The following ZNF609 variants were observed in gnomAD, a reference collection of about 807,000 sequenced individuals.
ZNF609 encodes the protein zinc finger protein 609.
In ZNF609, 11 loss-of-function variants were observed where a neutral mutation model predicts 109.5. That is an observed-to-expected ratio of 0.10 (90% CI 0.06 to 0.17). The LOEUF is 0.17. ZNF609 is among the 10% of genes least tolerant of loss of function. The pLI, the probability that ZNF609 is intolerant of heterozygous loss-of-function variation, is 1.00. For missense variants in ZNF609, 1,559 were observed against 1,772.4 expected, an observed-to-expected ratio of 0.88 and a Z score of 2.16; for synonymous variants, 646 against 662.0, an observed-to-expected ratio of 0.98 and a Z score of 0.37.
At chr15:64,583,188 A>T (rs904604718) in intron 2 of ZNF609, among the ~76,000 whole-genome samples, 2 of 150,584 alleles carry the variant, frequency 1.3e-5, no homozygotes, top group Non-Finnish European at 3.0e-5. Context: ...ACCCGCCACC[A>T]CACCCAGCTA....
intron 2 of ZNF609, among the ~76,000 whole-genome samples, chr15:64,504,636 G>T (rs1453770279): frequency 7.3e-6 from 1 of 136,972 alleles, no homozygotes; most frequent in African/African-American, 2.7e-5. Flanking sequence ...TGCCTGGCTA[G>T]TTTTTTTTTT....
At chr15:64,630,254 T>C (rs1317600833) in intron 3 of ZNF609, among the ~76,000 whole-genome samples, 1 of 151,974 alleles carries the variant, frequency 6.6e-6, no homozygotes, top group African/African-American at 2.4e-5. Context: ...GTATTTTTAG[T>C]AGAGATGGGT....
chr15:64,648,580 A>G (rs183467212), intron 3 of ZNF609, among the ~76,000 whole-genome samples: 151 of 152,248 alleles, frequency 9.9e-4, no homozygotes, highest in Non-Finnish European at 1.3e-3. Flanking sequence ...GCTATATAAC[A>G]TTGGAACAGA....
chr15:64,678,340 T>C lies in ZNF609; in HGVS notation c.3627T>C (p.Ser1209=), dbSNP rs1156711123. 6.2e-7 allele frequency: 1 copy of C among 1,613,972 alleles called. No homozygotes were observed. Among genetic ancestry groups the C allele is most frequent in the African/African-American group, 1.3e-5 (1 of 74,918 alleles). The change falls in exon 6 of 10, where the codon AGT becomes AGC. Residue 1209 remains serine, a synonymous_variant. Coordinates refer to ENST00000326648, the MANE Select transcript of ZNF609 (RefSeq NM_015042.2). Reference sequence around the variant, plus strand: ...TTGGGAGCAAGGAGCCCCGGCCAAGTGTCCATGTGCCTGTGTCCTCCCCAC... The same window carrying C: ...TTGGGAGCAAGGAGCCCCGGCCAAGCGTCCATGTGCCTGTGTCCTCCCCAC... ...SRLGSKEPRP[S]VHVPVSSPLT...
chr15:64,527,957 C>G (rs72741393), intron 2 of ZNF609, among the ~76,000 whole-genome samples: 7,339 of 152,276 alleles, frequency 0.048, 234 homozygotes, highest in South Asian at 0.086. Flanking sequence ...ATATCACTTT[C>G]TCTTTACAGC....
At chr15:64,462,362 A>G (rs961891209) in intron 1 of ZNF609, among the ~76,000 whole-genome samples, 1 of 152,228 alleles carries the variant, frequency 6.6e-6, no homozygotes, top group African/African-American at 2.4e-5. Flanking sequence ...ACTTCAAGGG[A>G]AGGTTCTACT....
In ZNF609 at chr15:64,616,847, C is replaced by T. The variant is rs1317157286; in HGVS notation, c.748-5980C>T. ...TTTTTTTTTTTTTTTTGCACTCTGT[C>T]GCCCAGGATGGAGTACAATTGTGCA... On this transcript the variant is annotated intron_variant, in intron 2 of 9. Transcript: ENST00000326648. 6.2e-5 allele frequency among the ~76,000 whole-genome samples: 6 copies of T among 96,968 alleles called. No individual in the cohort carries two copies. In the East Asian group the frequency reaches 2.2e-3, roughly 35 times the overall value. The allele number at this position is 96,968 out of a possible 152,430, so 63.6% of individuals were successfully genotyped here.
chr15:64,623,769 TTAA>T (rs1451619485), intron 3 of ZNF609, among the ~76,000 whole-genome samples: 1 of 152,210 alleles, frequency 6.6e-6, no homozygotes, highest in Non-Finnish European at 1.5e-5. Flanking sequence ...GTAAAGAGAC[TTAA>T]TGGGGTATTT....
At chr15:64,527,896 C>T (rs1351808423) in intron 2 of ZNF609, among the ~76,000 whole-genome samples, 2 of 152,210 alleles carry the variant, frequency 1.3e-5, no homozygotes, top group Non-Finnish European at 2.9e-5. Context: ...CTGGACCAAA[C>T]TCTACTCTTA....
At chr15:64,519,736 A>AT (rs1248547652) in intron 2 of ZNF609, among the ~76,000 whole-genome samples, 2 of 151,940 alleles carry the variant, frequency 1.3e-5, no homozygotes, top group Non-Finnish European at 2.9e-5. Context: ...TTTTGACCTA[A>AT]TTTTCAGTTA....
At chr15:64,650,113 CAAA>C (rs546871709) in intron 3 of ZNF609, among the ~76,000 whole-genome samples, 1 of 85,384 alleles carries the variant, frequency 1.2e-5, no homozygotes, top group Admixed American at 1.4e-4. Flanking sequence ...GAACCCATCT[CAAA>C]AAAAAAAAAA....
chr15:64,593,051 A>G, intron 2 of ZNF609: 1 of 1,587,766 alleles, frequency 6.3e-7, no homozygotes, highest in Non-Finnish European at 8.5e-7. Context: ...TCGCTGCACT[A>G]ACTGTGCCCG....
At position 64,623,168 on chromosome 15, in the gene ZNF609, G is replaced by C. The variant is rs1195856549; in HGVS notation, c.973+116G>C. On this transcript the variant is annotated intron_variant, in intron 3 of 9. Coordinates refer to ENST00000326648, the MANE Select transcript of ZNF609 (RefSeq NM_015042.2). ...GTTATTAGAGTCTCAAGTGTCCACAGTCTGCGGGAGATACCCACACAGAGG... is the reference window on the plus strand; with the variant it reads ...GTTATTAGAGTCTCAAGTGTCCACACTCTGCGGGAGATACCCACACAGAGG... The C allele has an allele frequency of 2.9e-6, 3 of 1,040,456 alleles. No individual in the cohort carries two copies. In the Admixed American group the frequency reaches 6.9e-5, roughly 24 times the overall value. 64.5% of individuals were successfully genotyped at this position (1,040,456 alleles called of 1,614,324 possible).
At chr15:64,626,791 C>T (rs972473034) in intron 3 of ZNF609, among the ~76,000 whole-genome samples, 3 of 152,122 alleles carry the variant, frequency 2.0e-5, no homozygotes, top group Admixed American at 6.6e-5. Context: ...GTTGATAATT[C>T]AGTAAGCACT....
intron 2 of ZNF609, among the ~76,000 whole-genome samples, chr15:64,512,090 C>CT (rs1893742023): frequency 6.6e-6 from 1 of 151,922 alleles, no homozygotes; most frequent in Admixed American, 6.6e-5. Flanking sequence ...GAAAAGGACT[C>CT]TCCTTTTTCA....
intron 2 of ZNF609, among the ~76,000 whole-genome samples, chr15:64,577,367 AT>A (rs1567019414): frequency 7.8e-4 from 16 of 20,574 alleles, no homozygotes; most frequent in African/African-American, 1.2e-3. Context: ...ACATATATGT[AT>A]ATATATACAC....
chr15:64,681,329 G>A lies in ZNF609; in HGVS notation c.4183G>A (p.Val1395Ile), dbSNP rs2083206457. The A allele has an allele frequency of 6.2e-7, 1 of 1,613,952 alleles. No homozygotes were observed. Among genetic ancestry groups the A allele is most frequent in the African/African-American group, 1.3e-5 (1 of 74,894 alleles). Residue 1395 changes from valine (V) to isoleucine (I), a missense_variant, in exon 9 of 10, where the codon GTT (valine) becomes ATT (isoleucine). Coordinates refer to ENST00000326648, the MANE Select transcript of ZNF609 (RefSeq NM_015042.2). Reference protein sequence around the residue: ...YAAGLSSTAIVASQQGSTPSL... With the variant: ...YAAGLSSTAIIASQQGSTPSL... ...TTCAGGGCTTTCTTCTACAGCCATT[G>A]TTGCCAGCCAACAAGGCTCAACTCC... is the stretch of plus-strand genomic sequence containing the variant.
intron 2 of ZNF609, among the ~76,000 whole-genome samples, chr15:64,621,076 A>G (rs1378766769): frequency 2.0e-5 from 3 of 152,206 alleles, no homozygotes; most frequent in Non-Finnish European, 4.4e-5. Context: ...AGGACTCTCT[A>G]TTAAAGGACC....
intron 2 of ZNF609, among the ~76,000 whole-genome samples, chr15:64,591,798 G>A (rs536315716): frequency 3.1e-4 from 47 of 151,466 alleles, no homozygotes; most frequent in African/African-American, 9.9e-4. Flanking sequence ...TCGACCTACC[G>A]TGCACCGGGT....
Sources: gnomAD v4.1 joint callset for allele counts (sites outside exome capture counted in the v4.1 genomes callset) on GRCh38, gnomAD v4.1.1 for gene constraint, MANE v1.5 for transcripts, NCBI Gene and HGNC (gene_info 2026-07-23, HGNC 2026-07-21) for gene names.